The following DAAM2 variants were observed in gnomAD, a reference collection of about 807,000 sequenced individuals.
The protein encoded by DAAM2 is disheveled-associated activator of morphogenesis 2.
DAAM2 carries 39 observed loss-of-function variants against 120.7 expected under a neutral mutation model. The ratio of observed to expected loss-of-function variants is 0.32; its 90% CI spans 0.25 to 0.42. The LOEUF (loss-of-function observed/expected upper bound fraction) is 0.42, where lower values mean the gene tolerates loss of function less well. DAAM2 is among the 10% of genes least tolerant of loss of function. DAAM2 has a pLI of 1.00. For missense variants in DAAM2, 1,283 were observed against 1,401.7 expected, an observed-to-expected ratio of 0.92 and a Z score of 1.35; for synonymous variants, 488 against 524.9, an observed-to-expected ratio of 0.93 and a Z score of 0.96.
intron 3 of DAAM2, among the ~76,000 whole-genome samples, chr6:39,863,862 C>T (rs551840476): frequency 6.6e-6 from 1 of 152,180 alleles, no homozygotes; most frequent in African/African-American, 2.4e-5. Context: ...AAGGGGGTCT[C>T]CTGAGTCTTT....
At chr6:39,822,772 A>G (rs1366914864) in intron 1 of DAAM2, 1 of 152,228 alleles carries the variant, frequency 6.6e-6, no homozygotes, top group Non-Finnish European at 1.5e-5. Context: ...TGTGTTCAAC[A>G]AAGTTGAATT....
intron 1 of DAAM2, chr6:39,818,860 A>C (rs1343922709): frequency 6.6e-6 from 1 of 152,098 alleles, no homozygotes; most frequent in East Asian, 1.9e-4. Flanking sequence ...ACTGTTTCTG[A>C]CAAGCCTCTC....
intron 23 of DAAM2, 73 bp downstream of exon 23, chr6:39,900,281 A>C (rs1167195781): frequency 5.1e-5 from 79 of 1,547,612 alleles, no homozygotes; most frequent in Non-Finnish European, 6.7e-5. Flanking sequence ...CATTCCTACC[A>C]CAGACAGCCC....
chr6:39,839,905 G>T (rs988853541), intron 1 of DAAM2, among the ~76,000 whole-genome samples: 1 of 152,206 alleles, frequency 6.6e-6, no homozygotes, highest in Non-Finnish European at 1.5e-5. Flanking sequence ...GTACCTGTGT[G>T]TTGGGGGAGA....
intron 18 of DAAM2, 51 bp downstream of exon 18, chr6:39,891,498 G>A: frequency 6.6e-7 from 1 of 1,517,380 alleles, no homozygotes; most frequent in Non-Finnish European, 9.0e-7. Context: ...TCTGGCAGGT[G>A]GGGCAGGTGG....
At chr6:39,803,526 G>A (rs934111808) in intron 1 of DAAM2, among the ~76,000 whole-genome samples, 4 of 152,204 alleles carry the variant, frequency 2.6e-5, no homozygotes, top group Non-Finnish European at 5.9e-5. Flanking sequence ...GGGAGTGGGA[G>A]TATCACTCCC....
At chr6:39,900,528 A>AT (rs1401949353) in intron 23 of DAAM2, among the ~76,000 whole-genome samples, 2 of 152,210 alleles carry the variant, frequency 1.3e-5, no homozygotes, top group Non-Finnish European at 2.9e-5. Flanking sequence ...CTTGCCCAAG[A>AT]TTGCCCAGCT....
intron 9 of DAAM2, among the ~76,000 whole-genome samples, chr6:39,872,639 C>T (rs762804938): frequency 2.6e-5 from 4 of 152,200 alleles, no homozygotes; most frequent in Non-Finnish European, 5.9e-5. Flanking sequence ...TGGTGCTTTA[C>T]AGTCACTGAG....
rs1470851674 is a variant in DAAM2 at position 39,868,297 on chromosome 6, CTT to C, written c.762+457_762+458del. 9 of 227,450 alleles carry C rather than the reference CTT, an allele frequency of 4.0e-5. No individual in the cohort carries two copies. In the East Asian group the frequency reaches 9.1e-4, roughly 23 times the overall value. 14.1% of individuals were successfully genotyped at this position (227,450 alleles called of 1,614,324 possible). A position where few individuals can be genotyped will look rare whatever the true frequency, so the allele number is the denominator to read the frequency against. ...CTGGGAGCTTCAGCCATGCTATTCT[CTT>C]TTCTTTCCCTGACCTGCCCAGAGAA... is the stretch of plus-strand genomic sequence containing the variant. On this transcript the variant is annotated intron_variant, in intron 6 of 24. Transcript: ENST00000274867.
At chr6:39,825,216 G>A (rs1413758224) in intron 1 of DAAM2, among the ~76,000 whole-genome samples, 3 of 151,814 alleles carry the variant, frequency 2.0e-5, no homozygotes, top group African/African-American at 4.8e-5. Context: ...ATGGGGAAAC[G>A]CTCTCTCTAC....
intron 1 of DAAM2, among the ~76,000 whole-genome samples, chr6:39,841,829 C>T (rs1293959095): frequency 1.3e-5 from 2 of 152,084 alleles, no homozygotes; most frequent in African/African-American, 4.8e-5. Flanking sequence ...GCTTCTGTAG[C>T]CTGAAGTCCT....
chr6:39,822,976 C>CT (rs1181682059), intron 1 of DAAM2: 1 of 152,156 alleles, frequency 6.6e-6, no homozygotes, highest in Non-Finnish European at 1.5e-5. Flanking sequence ...TGAGAATGTG[C>CT]TTTTCCTTGA....
intron 3 of DAAM2, among the ~76,000 whole-genome samples, chr6:39,863,413 T>G (rs1432131832): frequency 2.0e-5 from 3 of 152,152 alleles, no homozygotes; most frequent in Non-Finnish European, 1.5e-5. Context: ...TTTCTACTGG[T>G]CTAAGATTTG....
Position 39,792,399 on chromosome 6 carries a change from G to C in DAAM2, c.-123G>C, listed in dbSNP as rs192586446. 7.5e-3 allele frequency: 1,140 copies of C among 152,306 alleles called. 18 individuals are homozygous for C. The highest frequency in any genetic ancestry group is 0.026 in the African/African-American group (1,091 of 41,558). The allele number at this position is 152,306 out of a possible 1,614,324, so 9.4% of individuals were successfully genotyped here. A position where few individuals can be genotyped will look rare whatever the true frequency, so the allele number is the denominator to read the frequency against. ...GGGATAGCGCGGAGCACGCAGCAGC[G>C]AGCGGAGCGCGGGCGGCGGCGCCGT... On this transcript the variant is annotated 5_prime_UTR_variant, in exon 1 of 25. Coordinates refer to ENST00000274867, the MANE Select transcript of DAAM2 (RefSeq NM_001201427.2).
intron 1 of DAAM2, among the ~76,000 whole-genome samples, chr6:39,811,153 G>A (rs1762146944): frequency 1.3e-5 from 2 of 150,900 alleles, no homozygotes; most frequent in South Asian, 2.1e-4. Flanking sequence ...ATTTGCATTT[G>A]TAAGCCTGTA....
intron 1 of DAAM2, among the ~76,000 whole-genome samples, chr6:39,796,558 C>A (rs1761705453): frequency 1.4e-5 from 2 of 138,646 alleles, no homozygotes; most frequent in Non-Finnish European, 1.5e-5. Context: ...TAGCACTGGC[C>A]AAGACTTATC....
At chr6:39,836,132 C>T (rs768521861) in intron 1 of DAAM2, among the ~76,000 whole-genome samples, 25 of 152,078 alleles carry the variant, frequency 1.6e-4, no homozygotes, top group Admixed American at 1.6e-3. Context: ...GCCCCTCTGC[C>T]GGCCAGATTC....
At chr6:39,881,616 C>T (rs1250357784) in intron 14 of DAAM2, among the ~76,000 whole-genome samples, 1 of 152,082 alleles carries the variant, frequency 6.6e-6, no homozygotes, top group Non-Finnish European at 1.5e-5. Flanking sequence ...ACTCTGGAGG[C>T]TGAGGCAGGA....
intron 1 of DAAM2, among the ~76,000 whole-genome samples, chr6:39,854,801 AT>A (rs573176393): frequency 6.6e-6 from 1 of 152,300 alleles, no homozygotes; most frequent in East Asian, 1.9e-4. Flanking sequence ...TGTTGACTTT[AT>A]AGAAAAGAGG....
Sources: allele counts gnomAD v4.1 joint callset (sites outside exome capture counted in the v4.1 genomes callset), GRCh38; gene constraint gnomAD v4.1.1; transcripts MANE v1.5; gene names NCBI Gene and HGNC (gene_info 2026-07-23, HGNC 2026-07-21).